CAMTA2: variants seen among roughly 807,000 people sequenced by gnomAD.
CAMTA2 encodes the protein calmodulin-binding transcription activator 2.
CAMTA2 carries 56 observed loss-of-function variants against 135.7 expected under a neutral mutation model. The observed-to-expected ratio is 0.41, with a 90% CI of 0.33 to 0.52. The LOEUF (loss-of-function observed/expected upper bound fraction) is 0.52. Among genes scored for constraint, CAMTA2 ranks in the 20% least tolerant of loss-of-function variants. CAMTA2 has a pLI of 0.16. For missense variants in CAMTA2, 1,358 were observed against 1,553.4 expected, an observed-to-expected ratio of 0.87 and a Z score of 2.11; for synonymous variants, 591 against 604.6, an observed-to-expected ratio of 0.98 and a Z score of 0.33.
chr17:4,973,456 A>C, intron 13 of CAMTA2, 129 bp downstream of exon 13: 1 of 1,002,408 alleles, frequency 1.0e-6, no homozygotes, highest in Non-Finnish European at 1.5e-6. Flanking sequence ...GTCCTCTCCC[A>C]ACCCCCTCCC....
chr17:4,979,759 G>A lies in CAMTA2; in HGVS notation c.1563C>T (p.Ile521=). Residue 521 remains isoleucine (I), a synonymous_variant, in exon 9 of 23, where the codon ATC becomes ATT. Coordinates refer to ENST00000348066, the MANE Select transcript of CAMTA2 (RefSeq NM_015099.4). The part of the protein sequence containing the change: ...GELISDEAPS[I]PAPTPQLSPA... ...GAGACAGCTGGGGGGTCGGAGCAGG[G>A]ATGCTTGGAGCTTCGTCACTGATGA... 6.2e-7 allele frequency: 1 copy of A among 1,614,176 alleles called. No homozygotes were observed. The highest frequency in any genetic ancestry group is 1.1e-5 in the South Asian group (1 of 91,086).
At position 4,980,761 on chromosome 17, in the gene CAMTA2, T is replaced by G. The variant is rs1251585644; in HGVS notation, c.701-140A>C. ...TACTGATTGTAGCCACTGGGAGGCA[T>G]CAGAAATGTCTGTTCTCTACCCCTA... On this transcript the variant is annotated intron_variant, in intron 8 of 22. Transcript: ENST00000348066. The surrounding 1 kb of genome is among the most constrained non-coding windows in gnomAD (Gnocchi z 5.3). 1 of 671,220 alleles carries G rather than the reference T, an allele frequency of 1.5e-6. No homozygotes were observed. The highest frequency in any genetic ancestry group is 1.8e-5 in the African/African-American group (1 of 55,538). 41.6% of individuals were successfully genotyped at this position (671,220 alleles called of 1,614,324 possible).
rs376564975 is a variant in CAMTA2 at position 4,979,845 on chromosome 17, C to A, written c.1477G>T (p.Val493Phe). ...AAGGGCTCCAGTTCACTGGCCCCAA[C>A]AGGTCCTCCAAACAAGGCCTCTCCT... ...GRGEALFGGP[V>F]GASELEPFSL... Residue 493 changes from valine (V) to phenylalanine (F), a missense_variant, in exon 9 of 23, where the codon GTT (valine) becomes TTT (phenylalanine). Coordinates refer to ENST00000348066, the MANE Select transcript of CAMTA2 (RefSeq NM_015099.4). The A allele has an allele frequency of 1.9e-5, 31 of 1,613,542 alleles. No individual in the cohort carries two copies. Among genetic ancestry groups the A allele is most frequent in the Non-Finnish European group, 2.6e-5 (31 of 1,179,962 alleles).
chr17:4,973,294 A>G (rs1295331060), intron 13 of CAMTA2, 41 bp from the exon 14 acceptor site: 1 of 1,503,166 alleles, frequency 6.7e-7, no homozygotes, highest in East Asian at 2.3e-5. Flanking sequence ...CCAATGAGGG[A>G]AAAAGTGGGC....
intron 16 of CAMTA2, 122 bp downstream of exon 16, chr17:4,972,110 C>T (rs1972327955): frequency 1.2e-6 from 1 of 830,624 alleles, no homozygotes; most frequent in Non-Finnish European, 1.9e-6. Flanking sequence ...TTGCCTGTCC[C>T]AAAATGAAGT....
Position 4,985,912 on chromosome 17 carries a change from G to C in CAMTA2, c.103C>G (p.Pro35Ala). 1 of 1,613,918 alleles carries C rather than the reference G, an allele frequency of 6.2e-7. No homozygotes were observed. Among genetic ancestry groups the C allele is most frequent in the Non-Finnish European group, 8.5e-7 (1 of 1,179,804 alleles). ...LECLPRCPLL[P>A]PERLRWNTNE... ...GTATTCCACCGTAGCCTCTCTGGAG[G>C]CAGCAGCGGGCAGCGAGGAAGACAC... Residue 35 changes from proline to alanine, a missense_variant, in exon 3 of 23, where the codon CCT (proline) becomes GCT (alanine). Physicochemically the swap from Pro to Ala is conservative, Grantham distance 27. Coordinates refer to ENST00000348066, the MANE Select transcript of CAMTA2 (RefSeq NM_015099.4).
At chr17:4,986,980 G>A (rs1487200620) in intron 1 of CAMTA2, 1 of 1,481,146 alleles carries the variant, frequency 6.8e-7, no homozygotes, top group South Asian at 1.3e-5. Context: ...GCTCCAGCCT[G>A]AGCCCCCCGC....
Position 4,973,656 on chromosome 17 carries a change from C to G in CAMTA2, c.2130G>C (p.Arg710=). ...CAGCCAGGTGCAGAAGGCTCATGCC[C>G]CGGAAGGGGCTTCCATGGGCCAGAC... is the stretch of plus-strand genomic sequence containing the variant. ...PERLAHGSPF[R]GMSLLHLAAA... Residue 710 remains arginine, a synonymous_variant, in exon 13 of 23, where the codon CGG becomes CGC. Coordinates refer to ENST00000348066, the MANE Select transcript of CAMTA2 (RefSeq NM_015099.4). 1 of 1,614,230 alleles carries G rather than the reference C, an allele frequency of 6.2e-7. No homozygotes were observed. Among genetic ancestry groups the G allele is most frequent in the Non-Finnish European group, 8.5e-7 (1 of 1,180,038 alleles).
rs753726357 is a variant in CAMTA2, at chr17:4,979,901, G to A, written c.1421C>T (p.Ala474Val). Residue 474 changes from alanine to valine, a missense_variant, in exon 9 of 23, where the codon GCC becomes GTC. By Grantham distance (64) the Ala-to-Val change is moderately conservative (BLOSUM62 0). This residue lies in a region of CAMTA2 where 1,077 missense variants were observed against 1,127.5 expected (regional missense o/e 0.96). Coordinates refer to ENST00000348066, the MANE Select transcript of CAMTA2 (RefSeq NM_015099.4). Reference sequence around the variant, plus strand: ...TACCCTGCTTGACGGCTCCAAGGGGGCAGGTGAGGGTGGGGGTGAGGGAGG... The same window carrying A: ...TACCCTGCTTGACGGCTCCAAGGGGACAGGTGAGGGTGGGGGTGAGGGAGG... ...SPPPSPPPSP[A>V]PLEPSSRVGR... 3 of 1,611,824 alleles carry A rather than the reference G, an allele frequency of 1.9e-6. No homozygotes were observed. The highest frequency in any genetic ancestry group is 4.5e-5 in the East Asian group (2 of 44,756).
chr17:4,975,918 T>C (rs564890446), intron 11 of CAMTA2, among the ~76,000 whole-genome samples: 9 of 152,320 alleles, frequency 5.9e-5, no homozygotes, highest in Admixed American at 1.3e-4. Flanking sequence ...CACACACACA[T>C]AGATACACGT....
At chr17:4,987,571 G>T (rs1278643628) in intron 1 of CAMTA2, 22 bp downstream of exon 1, 1 of 1,513,566 alleles carries the variant, frequency 6.6e-7, no homozygotes, top group Non-Finnish European at 8.8e-7. Flanking sequence ...CGGAGAGGCG[G>T]GCGAGAGGCC....
rs763472948 is a variant in CAMTA2 at position 4,969,710 on chromosome 17, A to G, written c.3190-9T>C. 1 of 1,613,654 alleles carries G rather than the reference A, an allele frequency of 6.2e-7. No individual in the cohort carries two copies. The stretch of plus-strand genomic sequence containing the variant: ...TCCTTCAGCCGCCGGCCCTGAAGGG[A>G]GAGAAGTCTCACCACCTCATGACCC... On this transcript the variant is annotated splice_polypyrimidine_tract_variant and intron_variant, in intron 18 of 22. Transcript: ENST00000348066. This position sits in a 1 kb window ranked among gnomAD's most constrained non-coding sequence, Gnocchi z 5.6.
intron 17 of CAMTA2, 49 bp from the exon 18 acceptor site, chr17:4,970,134 C>A: frequency 6.4e-7 from 1 of 1,568,618 alleles, no homozygotes; most frequent in Non-Finnish European, 8.7e-7. Flanking sequence ...GAAGTCCCTC[C>A]TCTGCCACCT....
intron 17 of CAMTA2, 76 bp from the exon 18 acceptor site, chr17:4,970,161 G>A (rs1423413667): frequency 6.7e-7 from 1 of 1,489,528 alleles, no homozygotes; most frequent in South Asian, 1.2e-5. Flanking sequence ...GGCTACGAAG[G>A]AAAACCACCA....
chr17:4,968,358 G>A lies in CAMTA2; in HGVS notation c.*398C>T. On this transcript the variant is annotated 3_prime_UTR_variant, in exon 23 of 23. Transcript: ENST00000348066. ...ACACGGTCAGCCCTGAAACACGAGG[G>A]GCGTGCGCAGCGAAGGCAGTGGTGG... The A allele has an allele frequency of 3.1e-6, 1 of 325,718 alleles. No homozygotes were observed. The highest frequency in any genetic ancestry group is 6.8e-5 in the East Asian group (1 of 14,812). The allele number at this position is 325,718 out of a possible 1,614,324, so 20.2% of individuals were successfully genotyped here. A position where few individuals can be genotyped will look rare whatever the true frequency, so the allele number is the denominator to read the frequency against.
chr17:4,974,368 C>T lies in CAMTA2; in HGVS notation c.2016+17G>A. The T allele has an allele frequency of 6.5e-7, 1 of 1,527,030 alleles. No individual in the cohort carries two copies. Among genetic ancestry groups the T allele is most frequent in the Non-Finnish European group, 9.1e-7 (1 of 1,100,756 alleles). 94.6% of individuals were successfully genotyped at this position (1,527,030 alleles called of 1,614,324 possible). Reference sequence around the variant, plus strand: ...CCTGCTCCCCACCGTAGACCACCTCCCTCCTCACAGAAGTACCTGAACTGG... The same window carrying T: ...CCTGCTCCCCACCGTAGACCACCTCTCTCCTCACAGAAGTACCTGAACTGG... On this transcript the variant is annotated intron_variant, in intron 12 of 22. Coordinates refer to ENST00000348066, the MANE Select transcript of CAMTA2 (RefSeq NM_015099.4).
intron 3 of CAMTA2, 85 bp from the exon 4 acceptor site, chr17:4,983,128 T>G: frequency 8.5e-7 from 1 of 1,174,888 alleles, no homozygotes; most frequent in South Asian, 1.2e-5. Context: ...AGTGTCTCAC[T>G]CTCTGCTGAG....
chr17:4,987,503 T>TC, intron 1 of CAMTA2, 90 bp downstream of exon 1: 2 of 1,426,982 alleles, frequency 1.4e-6, no homozygotes, highest in Non-Finnish European at 1.8e-6. Flanking sequence ...GGGACGGTGG[T>TC]CCCTGGCGCG....
In CAMTA2 at chr17:4,980,752, TG is replaced by T; in HGVS notation, c.701-132del. 1 of 694,998 alleles carries T rather than the reference TG, an allele frequency of 1.4e-6. No individual in the cohort carries two copies. Among genetic ancestry groups the T allele is most frequent in the South Asian group, 1.8e-5 (1 of 56,244 alleles). 43.1% of individuals were successfully genotyped at this position (694,998 alleles called of 1,614,324 possible). ...GAGGTGTAATACTGATTGTAGCCAC[TG>T]GGAGGCATCAGAAATGTCTGTTCTC... is the stretch of plus-strand genomic sequence containing the variant. On this transcript the variant is annotated intron_variant, in intron 8 of 22. Coordinates refer to ENST00000348066, the MANE Select transcript of CAMTA2 (RefSeq NM_015099.4). The surrounding 1 kb of genome is among the most constrained non-coding windows in gnomAD (Gnocchi z 5.3).
Sources: gnomAD v4.1 joint callset for allele counts (sites outside exome capture counted in the v4.1 genomes callset) on GRCh38, gnomAD v4.1.1 for gene constraint, gnomAD v4.1.1 regional missense constraint, Gnocchi (gnomAD v3.1) non-coding constraint, MANE v1.5 for transcripts, NCBI Gene and HGNC (gene_info 2026-07-23, HGNC 2026-07-21) for gene names.